The following TMEM178B variants were observed in gnomAD, a reference collection of about 807,000 sequenced individuals.
TMEM178B encodes transmembrane protein 178B.
In TMEM178B, 5 loss-of-function variants were observed where a neutral mutation model predicts 31.0. The ratio of observed to expected loss-of-function variants is 0.16; its 90% confidence interval spans 0.08 to 0.34. The LOEUF (loss-of-function observed/expected upper bound fraction) is 0.34, where lower values mean the gene tolerates loss of function less well. Among genes scored for constraint, TMEM178B ranks in the 10% least tolerant of loss-of-function variants. TMEM178B has a pLI of 1.00. For missense variants in TMEM178B, 275 were observed against 400.3 expected (o/e 0.69, Z 2.67); for synonymous variants, 164 against 164.0 (o/e 1.00, Z 0.00).
chr7:141,390,060 A>G (rs1017702331), intron 2 of TMEM178B, among the ~76,000 whole-genome samples: 15 of 152,210 alleles, frequency 9.9e-5, no homozygotes, highest in African/African-American at 3.4e-4. Context: ...CATTTCACCT[A>G]GAAATACTTC....
intron 2 of TMEM178B, among the ~76,000 whole-genome samples, chr7:141,263,777 G>C (rs1056092844): frequency 6.6e-6 from 1 of 152,188 alleles, no homozygotes; most frequent in African/African-American, 2.4e-5. Context: ...CCGCAAGACT[G>C]CCCTCATCTC....
rs528838243 is a variant in TMEM178B at position 141,385,779 on chromosome 7, C to T, written c.497-51829C>T. Among the ~76,000 whole-genome samples, 27 of 152,302 alleles carry T rather than the reference C, an allele frequency of 1.8e-4. No homozygotes were observed. The South Asian group carries it at 4.6e-3, about 26-fold the overall frequency. ...TCCCTGGCCTAGGTGAGTCTAGGAA[C>T]AGCTGTTACCAGTCCCTTGGGTCCA... On this transcript the variant is annotated intron_variant, in intron 2 of 3. Coordinates refer to ENST00000565468, the MANE Select transcript of TMEM178B (RefSeq NM_001195278.2).
intron 1 of TMEM178B, among the ~76,000 whole-genome samples, chr7:141,206,055 C>A (rs777681020): frequency 6.6e-6 from 1 of 152,196 alleles, no homozygotes; most frequent in Non-Finnish European, 1.5e-5. Context: ...AATATTATTT[C>A]TGAGTTCCTG....
the TMEM178B span, among the ~76,000 whole-genome samples, chr7:141,508,706 G>A: frequency 3.3e-5 from 5 of 152,182 alleles, no homozygotes; most frequent in African/African-American, 7.2e-5. Context: ...AGAAGCAAAA[G>A]TGGAAACCCC....
chr7:141,282,073 A>G (rs1313271662), intron 2 of TMEM178B, among the ~76,000 whole-genome samples: 1 of 152,190 alleles, frequency 6.6e-6, no homozygotes, highest in Non-Finnish European at 1.5e-5. Context: ...GAACAGTGCT[A>G]CAGGTGTGAA....
At chr7:141,285,525 C>T (rs888416785) in intron 2 of TMEM178B, among the ~76,000 whole-genome samples, 6 of 152,032 alleles carry the variant, frequency 3.9e-5, no homozygotes, top group Non-Finnish European at 1.5e-5. Context: ...TATTGTAATG[C>T]ATATTTTCCT....
In TMEM178B at chr7:141,461,974, G is replaced by T. The variant is rs1802066890; in HGVS notation, c.635-8562G>T. Among the ~76,000 whole-genome samples, 1 of 152,132 alleles carries T rather than the reference G, an allele frequency of 6.6e-6. No homozygotes were observed. On this transcript the variant is annotated intron_variant, in intron 3 of 3. Coordinates refer to ENST00000565468, the MANE Select transcript of TMEM178B (RefSeq NM_001195278.2). This position sits in a 1 kb window ranked among gnomAD's most constrained non-coding sequence, Gnocchi z 4.0. Reference sequence around the variant, plus strand: ...CTCCCCAACAGTGCTATCCCTACCTGGCACTTCTAACATTAGCGACGCATT... The same window carrying T: ...CTCCCCAACAGTGCTATCCCTACCTTGCACTTCTAACATTAGCGACGCATT...
rs1166104107 is a variant in TMEM178B, at chr7:141,474,466, CTG to C, written c.*3683_*3684del. On this transcript the variant is annotated 3_prime_UTR_variant, in exon 4 of 4. Transcript: ENST00000565468. ...GGCATCAAAATATGAAAAATAAAAT[CTG>C]TGCCTGTTCCAGCTTCAATCCTCCT... 3 of 152,216 alleles carry C rather than the reference CTG, an allele frequency of 2.0e-5. No homozygotes were observed. The highest frequency in any genetic ancestry group is 4.4e-5 in the Non-Finnish European group (3 of 68,064). 9.4% of individuals were successfully genotyped at this position (152,216 alleles called of 1,614,324 possible).
chr7:141,138,135 C>T (rs1223928234), intron 1 of TMEM178B, among the ~76,000 whole-genome samples: 5 of 151,342 alleles, frequency 3.3e-5, no homozygotes, highest in African/African-American at 7.3e-5. Context: ...CATCTCGGCT[C>T]ACTGCAAGCT....
chr7:141,390,272 G>A (rs1245671579), intron 2 of TMEM178B, among the ~76,000 whole-genome samples: 1 of 152,184 alleles, frequency 6.6e-6, no homozygotes, highest in East Asian at 1.9e-4. Context: ...ATGTGAAGTT[G>A]GGAGGTGGCT....
Position 141,161,952 on chromosome 7 carries a change from G to T in TMEM178B, c.383-50639G>T, listed in dbSNP as rs528676897. ...TGTGTGTTTGTGTGAGGATTTGTGA[G>T]AGAGCATGAGAGTGTGTGTGTCTGT... On this transcript the variant is annotated intron_variant, in intron 1 of 3. Coordinates refer to ENST00000565468, the MANE Select transcript of TMEM178B (RefSeq NM_001195278.2). Among the ~76,000 whole-genome samples, 5 of 73,920 alleles carry T rather than the reference G, an allele frequency of 6.8e-5. No homozygotes were observed. In the South Asian group the frequency reaches 1.3e-3, roughly 20 times the overall value. 48.5% of individuals were successfully genotyped at this position (73,920 alleles called of 152,430 possible).
At chr7:141,076,266 T>A (rs1266555107) in intron 1 of TMEM178B, among the ~76,000 whole-genome samples, 3 of 152,224 alleles carry the variant, frequency 2.0e-5, no homozygotes, top group Non-Finnish European at 4.4e-5. Flanking sequence ...AGTGACCTTA[T>A]AACAGTTTTG....
intron 2 of TMEM178B, among the ~76,000 whole-genome samples, chr7:141,353,377 C>T (rs745924411): frequency 6.6e-6 from 1 of 152,190 alleles, no homozygotes; most frequent in African/African-American, 2.4e-5. Context: ...CTCACCCCAC[C>T]GTCTCTCCAG....
At chr7:141,231,041 G>A (rs776069508) in intron 2 of TMEM178B, among the ~76,000 whole-genome samples, 6 of 152,150 alleles carry the variant, frequency 3.9e-5, no homozygotes, top group Non-Finnish European at 5.9e-5. Flanking sequence ...AGCCCTAAGT[G>A]ATGTTCAGAA....
At chr7:141,250,161 C>T (rs1797806929) in intron 2 of TMEM178B, among the ~76,000 whole-genome samples, 1 of 152,144 alleles carries the variant, frequency 6.6e-6, no homozygotes, top group Non-Finnish European at 1.5e-5. Context: ...AAATACTCTG[C>T]AAGATGCCTA....
chr7:141,438,696 T>TAAAAAAAAAAAAAAAAAAAAAAA lies in TMEM178B; in HGVS notation c.634+959_634+981dup, dbSNP rs869132131. 5.2e-4 allele frequency among the ~76,000 whole-genome samples: 15 copies of TAAAAAAAAAAAAAAAAAAAAAAA among 29,004 alleles called. 4 individuals are homozygous for TAAAAAAAAAAAAAAAAAAAAAAA. The highest frequency in any genetic ancestry group is 1.1e-3 in the Non-Finnish European group (14 of 12,764). 19.0% of individuals were successfully genotyped at this position (29,004 alleles called of 152,430 possible). A position where few individuals can be genotyped will look rare whatever the true frequency, so the allele number is the denominator to read the frequency against. On this transcript the variant is annotated intron_variant, in intron 3 of 3. Coordinates refer to ENST00000565468, the MANE Select transcript of TMEM178B (RefSeq NM_001195278.2). ...CAGCTTGGTAAAACCCCGTCTCTAC[T>TAAAAAAAAAAAAAAAAAAAAAAA]AAAAAAAAAAAAAAAAAAAAAAAAA...
chr7:141,121,820 G>A (rs116749842), intron 1 of TMEM178B, among the ~76,000 whole-genome samples: 2,516 of 152,246 alleles, frequency 0.017, 72 homozygotes, highest in African/African-American at 0.057. Context: ...CTCTGGAGAT[G>A]AATCTCCCTT....
chr7:141,497,842 G>T, the TMEM178B span, among the ~76,000 whole-genome samples: 1 of 152,198 alleles, frequency 6.6e-6, no homozygotes, highest in Admixed American at 6.5e-5. Context: ...CTTCAAACTG[G>T]AAGGAGCAGA....
At chr7:141,498,441 T>TCTAA in the TMEM178B span, among the ~76,000 whole-genome samples, 1 of 152,254 alleles carries the variant, frequency 6.6e-6, no homozygotes, top group Admixed American at 6.5e-5. Context: ...TCTAAGTCCT[T>TCTAA]GGCATCTTGT....
Sources: gnomAD v4.1 joint callset for allele counts (sites outside exome capture counted in the v4.1 genomes callset) on GRCh38, gnomAD v4.1.1 for gene constraint, Gnocchi (gnomAD v3.1) non-coding constraint, MANE v1.5 for transcripts, NCBI Gene and HGNC (gene_info 2026-07-23, HGNC 2026-07-21) for gene names.